The following NCS1 variants were observed in gnomAD, a reference collection of about 807,000 sequenced individuals.
NCS1 encodes frequenin homolog.
In NCS1, 6 loss-of-function variants were observed where a neutral mutation model predicts 28.4. The ratio of observed to expected loss-of-function variants is 0.21; its 90% CI spans 0.12 to 0.42. NCS1 has a LOEUF of 0.42. Among genes scored for constraint, NCS1 ranks in the 10% least tolerant of loss-of-function variants. The probability of loss-of-function intolerance (pLI) is 1.00; values close to 1 mark genes in which losing one functional copy is unlikely to be tolerated. For synonymous variants in NCS1, 86 were observed against 99.3 expected (o/e 0.87, Z 0.79); for missense variants, 131 against 241.4 (o/e 0.54, Z 3.03).
At position 130,177,517 on chromosome 9, in the gene NCS1, G is replaced by T. The variant is rs948780130; in HGVS notation, c.64+4790G>T. Among the ~76,000 whole-genome samples the T allele has an allele frequency of 6.6e-6, 1 of 152,216 alleles. No homozygotes were observed. The highest frequency in any genetic ancestry group is 6.5e-5 in the Admixed American group (1 of 15,276). ...GTCCCTGTACATCCCGTGTGCGTGG[G>T]CATGAACCAAGGAGGCCTTTCCTTT... On this transcript the variant is annotated intron_variant, in intron 1 of 7. Coordinates refer to ENST00000372398, the MANE Select transcript of NCS1 (RefSeq NM_014286.4). This position sits in a 1 kb window ranked among gnomAD's most constrained non-coding sequence, Gnocchi z 4.4.
At position 130,232,710 on chromosome 9, in the gene NCS1, C is replaced by G. The variant is rs142521841; in HGVS notation, c.*18-280C>G. Among the ~76,000 whole-genome samples the G allele has an allele frequency of 4.3e-4, 65 of 152,134 alleles. No individual in the cohort carries two copies. The highest frequency in any genetic ancestry group is 1.6e-3 in the African/African-American group (65 of 41,492). ...CTGAGGCAGGAGAATCGCTTGAACC[C>G]AAGAGGTGGAGGTTGCAGTGAGCCG... is the stretch of plus-strand genomic sequence containing the variant. On this transcript the variant is annotated intron_variant, in intron 7 of 7. Coordinates refer to ENST00000372398, the MANE Select transcript of NCS1 (RefSeq NM_014286.4). This position sits in a 1 kb window ranked among gnomAD's most constrained non-coding sequence, Gnocchi z 4.4.
chr9:130,223,079 C>T lies in NCS1; in HGVS notation c.397-3C>T, dbSNP rs1554910833. 1 of 1,613,380 alleles carries T rather than the reference C, an allele frequency of 6.2e-7. No individual in the cohort carries two copies. The highest frequency in any genetic ancestry group is 8.5e-7 in the Non-Finnish European group (1 of 1,179,682). Reference sequence around the variant, plus strand: ...CCCACCCCCGCCTTGTCCGTCCCTGCAGGGGAATACCGTGGAGCTCCCAGA... The same window carrying T: ...CCCACCCCCGCCTTGTCCGTCCCTGTAGGGGAATACCGTGGAGCTCCCAGA... On this transcript the variant is annotated splice_region_variant and splice_polypyrimidine_tract_variant and intron_variant, in intron 5 of 7. Coordinates refer to ENST00000372398, the MANE Select transcript of NCS1 (RefSeq NM_014286.4).
chr9:130,185,124 G>A (rs972238816), intron 1 of NCS1, among the ~76,000 whole-genome samples: 5 of 152,186 alleles, frequency 3.3e-5, no homozygotes, highest in South Asian at 2.1e-4. Flanking sequence ...AAAGCCCAGC[G>A]GCTACTTCCA....
chr9:130,211,847 A>G (rs911383963), intron 2 of NCS1, among the ~76,000 whole-genome samples: 4 of 152,144 alleles, frequency 2.6e-5, no homozygotes, highest in African/African-American at 7.2e-5. Flanking sequence ...CACTCAAATC[A>G]TTCCCAAGGC....
chr9:130,200,467 G>A (rs1232398195), intron 1 of NCS1: 1 of 1,033,904 alleles, frequency 9.7e-7, no homozygotes, highest in Non-Finnish European at 1.5e-6. Context: ...AGGCTGACAG[G>A]GAGGGTGGTC....
At position 130,228,136 on chromosome 9, in the gene NCS1, G is replaced by A. The variant is rs541645307; in HGVS notation, c.*17+1632G>A. 3.5e-3 allele frequency among the ~76,000 whole-genome samples: 535 copies of A among 152,176 alleles called. 5 individuals carry two copies. The highest frequency in any genetic ancestry group is 0.012 in the African/African-American group (511 of 41,518). ...AAAGAGAGCCAGGATGAAAGCCAGTGTCTTTTTATAGCATAATCTTGGAAG... is the reference window on the plus strand; with the variant it reads ...AAAGAGAGCCAGGATGAAAGCCAGTATCTTTTTATAGCATAATCTTGGAAG... On this transcript the variant is annotated intron_variant, in intron 7 of 7. Coordinates refer to ENST00000372398, the MANE Select transcript of NCS1 (RefSeq NM_014286.4).
chr9:130,191,054 C>T lies in NCS1; in HGVS notation c.65-9904C>T, dbSNP rs1257928240. Among the ~76,000 whole-genome samples, 2 of 152,202 alleles carry T rather than the reference C, an allele frequency of 1.3e-5. No homozygotes were observed. The highest frequency in any genetic ancestry group is 4.8e-5 in the African/African-American group (2 of 41,444). On this transcript the variant is annotated intron_variant, in intron 1 of 7. Transcript: ENST00000372398. This position sits in a 1 kb window ranked among gnomAD's most constrained non-coding sequence, Gnocchi z 6.4. ...TTATTCAGACACCACGACTCCTCAT[C>T]GGCACAGCATCTCCAGGGCGCCCAC...
At position 130,180,553 on chromosome 9, in the gene NCS1, A is replaced by T. The variant is rs1354744773; in HGVS notation, c.64+7826A>T. 3.3e-5 allele frequency among the ~76,000 whole-genome samples: 5 copies of T among 152,212 alleles called. No homozygotes were observed. Among genetic ancestry groups the T allele is most frequent in the African/African-American group, 1.2e-4 (5 of 41,450 alleles). On this transcript the variant is annotated intron_variant, in intron 1 of 7. Transcript: ENST00000372398. This position sits in a 1 kb window ranked among gnomAD's most constrained non-coding sequence, Gnocchi z 4.5. ...TTGCGGCGTTTCTAGGTAACTTGAG[A>T]TTGGGGTCATATTCTGACCAAGGGC...
At chr9:130,223,256 A>T in intron 6 of NCS1, 97 bp downstream of exon 6, 2 of 1,152,962 alleles carry the variant, frequency 1.7e-6, no homozygotes, top group South Asian at 2.7e-5. Flanking sequence ...TTTGCTGCCA[A>T]CCTCCTCCAT....
At chr9:130,222,114 G>GCA (rs1833335612) in intron 4 of NCS1, among the ~76,000 whole-genome samples, 1 of 76,160 alleles carries the variant, frequency 1.3e-5, no homozygotes, top group Non-Finnish European at 2.8e-5. Flanking sequence ...ATATATATAC[G>GCA]TATATATATA....
rs1007747646 is a variant in NCS1, at chr9:130,191,055, G to A, written c.65-9903G>A. On this transcript the variant is annotated intron_variant, in intron 1 of 7. Transcript: ENST00000372398. This position sits in a 1 kb window ranked among gnomAD's most constrained non-coding sequence, Gnocchi z 6.4. The stretch of plus-strand genomic sequence containing the variant: ...TATTCAGACACCACGACTCCTCATC[G>A]GCACAGCATCTCCAGGGCGCCCACC... 2.3e-4 allele frequency among the ~76,000 whole-genome samples: 35 copies of A among 152,146 alleles called. No individual in the cohort carries two copies. Among genetic ancestry groups the A allele is most frequent in the African/African-American group, 8.5e-4 (35 of 41,418 alleles).
intron 1 of NCS1, among the ~76,000 whole-genome samples, chr9:130,190,128 T>C (rs1832798928): frequency 6.6e-6 from 1 of 150,730 alleles, no homozygotes. Flanking sequence ...TTTTAGAAAA[T>C]AAAAGTAGCC....
rs868968070 is a variant in NCS1, at chr9:130,191,428, C to T, written c.65-9530C>T. 1.3e-5 allele frequency among the ~76,000 whole-genome samples: 2 copies of T among 152,182 alleles called. No homozygotes were observed. The highest frequency in any genetic ancestry group is 4.8e-5 in the African/African-American group (2 of 41,454). ...AGATCCCCCAACAGGTGAAATACCC[C>T]CCGATTCGAGTGCTCAGCCTTCCTC... On this transcript the variant is annotated intron_variant, in intron 1 of 7. Coordinates refer to ENST00000372398, the MANE Select transcript of NCS1 (RefSeq NM_014286.4). This position sits in a 1 kb window ranked among gnomAD's most constrained non-coding sequence, Gnocchi z 6.4.
intron 4 of NCS1, among the ~76,000 whole-genome samples, chr9:130,220,365 G>A (rs1371892290): frequency 6.6e-6 from 1 of 152,172 alleles, no homozygotes; most frequent in Non-Finnish European, 1.5e-5. Flanking sequence ...CTCTCAGGGC[G>A]ATCAGTCTAG....
rs1832639530 is a variant in NCS1, at chr9:130,180,508, A to G, written c.64+7781A>G. Among the ~76,000 whole-genome samples, 1 of 152,210 alleles carries G rather than the reference A, an allele frequency of 6.6e-6. No homozygotes were observed. Among genetic ancestry groups the G allele is most frequent in the African/African-American group, 2.4e-5 (1 of 41,458 alleles). On this transcript the variant is annotated intron_variant, in intron 1 of 7. Transcript: ENST00000372398. This position sits in a 1 kb window ranked among gnomAD's most constrained non-coding sequence, Gnocchi z 4.5. ...CTGTGTGTGATCTATTTTGCAGGGC[A>G]GAGAGTGTCAGAGATTACGTTGCGG...
In NCS1 at chr9:130,226,642, G is replaced by A. The variant is rs1009867477; in HGVS notation, c.*17+138G>A. ...GTCAGCCTAGCAGGGACATAGCTGG[G>A]AGGAGGAGGCTGGAAGGGGGGCCTT... On this transcript the variant is annotated intron_variant, in intron 7 of 7. Coordinates refer to ENST00000372398, the MANE Select transcript of NCS1 (RefSeq NM_014286.4). This position sits in a 1 kb window ranked among gnomAD's most constrained non-coding sequence, Gnocchi z 4.8. 20 of 631,354 alleles carry A rather than the reference G, an allele frequency of 3.2e-5. No homozygotes were observed. Among genetic ancestry groups the A allele is most frequent in the Non-Finnish European group, 5.0e-5 (18 of 361,524 alleles). The allele number at this position is 631,354 out of a possible 1,614,324, so 39.1% of individuals were successfully genotyped here.
Position 130,217,881 on chromosome 9 carries a change from G to A in NCS1, c.139G>A (p.Gly47Ser). 1 of 1,614,190 alleles carries A rather than the reference G, an allele frequency of 6.2e-7. No individual in the cohort carries two copies. Among genetic ancestry groups the A allele is most frequent in the Non-Finnish European group, 8.5e-7 (1 of 1,180,024 alleles). Reference protein sequence around the residue: ...DCPSGQLDAAGFQKIYKQFFP... With the variant: ...DCPSGQLDAASFQKIYKQFFP... ...CCCCAGTGGGCAGCTGGATGCGGCA[G>A]GCTTCCAGAAGATCTACAAGCAATT... The change falls in exon 3 of 8, where the codon GGC becomes AGC. Residue 47 changes from glycine to serine, a missense_variant. By Grantham distance (56) the Gly-to-Ser change is moderately conservative. Transcript: ENST00000372398.
In NCS1 at chr9:130,181,654, G is replaced by A. The variant is rs1289872162; in HGVS notation, c.64+8927G>A. Among the ~76,000 whole-genome samples the A allele has an allele frequency of 6.6e-6, 1 of 152,190 alleles. No individual in the cohort carries two copies. Among genetic ancestry groups the A allele is most frequent in the Non-Finnish European group, 1.5e-5 (1 of 68,028 alleles). ...CTGCACACTGAAGCCCTGGGCCGCG[G>A]TGAGGGGCCCCTGCTTGGTGGAGGT... is the stretch of plus-strand genomic sequence containing the variant. On this transcript the variant is annotated intron_variant, in intron 1 of 7. Coordinates refer to ENST00000372398, the MANE Select transcript of NCS1 (RefSeq NM_014286.4). The surrounding 1 kb of genome is among the most constrained non-coding windows in gnomAD (Gnocchi z 5.0).
chr9:130,201,077 TG>T lies in NCS1; in HGVS notation c.89+100del, dbSNP rs781823651. 1,091 of 1,540,868 alleles carry T rather than the reference TG, an allele frequency of 7.1e-4. 6 individuals are homozygous for T. Among genetic ancestry groups the T allele is most frequent in the Middle Eastern group, 1.0e-3 (6 of 5,878 alleles). Reference sequence around the variant, plus strand: ...GGGACAGCAGTCCAGCTGCTCAGGATGGGGGCATGTGGAGGGGCCCCTGAGC... The same window carrying T: ...GGGACAGCAGTCCAGCTGCTCAGGATGGGGCATGTGGAGGGGCCCCTGAGC... On this transcript the variant is annotated intron_variant, in intron 2 of 7. Coordinates refer to ENST00000372398, the MANE Select transcript of NCS1 (RefSeq NM_014286.4).
Sources: gnomAD v4.1 joint callset for allele counts (sites outside exome capture counted in the v4.1 genomes callset) on GRCh38, gnomAD v4.1.1 for gene constraint, Gnocchi (gnomAD v3.1) non-coding constraint, MANE v1.5 for transcripts, NCBI Gene and HGNC (gene_info 2026-07-23, HGNC 2026-07-21) for gene names.